TBRG1: variants seen among roughly 807,000 people sequenced by gnomAD.
TBRG1 encodes transforming growth factor beta regulator 1.
Under a neutral mutation model 44.0 loss-of-function variants are expected in TBRG1, and 31 were observed. The observed-to-expected ratio is 0.70, with a 90% confidence interval of 0.53 to 0.95. TBRG1 has a LOEUF of 0.95. TBRG1 is among the 40% of genes least tolerant of loss of function. The pLI is 0.00. For synonymous variants in TBRG1, 171 were observed against 188.1 expected (o/e 0.91, Z 0.74); for missense variants, 487 against 496.1 (o/e 0.98, Z 0.18).
intron 5 of TBRG1, among the ~76,000 whole-genome samples, chr11:124,628,202 CTTTT>C (rs1156931940): frequency 1.4e-5 from 2 of 145,078 alleles, no homozygotes. Context: ...TTTTATTCAT[CTTTT>C]TGTCTATACA....
At chr11:124,624,374 A>AAC (rs1555091616) in intron 1 of TBRG1, among the ~76,000 whole-genome samples, 1 of 147,902 alleles carries the variant, frequency 6.8e-6, no homozygotes, top group Non-Finnish European at 1.5e-5. Flanking sequence ...AAAAAAAAAA[A>AAC]AAAAAAAAAG....
In TBRG1 at chr11:124,626,559, CCTGTGTTCCCCATCGGA is replaced by C; in HGVS notation, c.544_560del (p.Val182ArgfsTer7). 1.3e-6 allele frequency: 2 copies of C among 1,551,492 alleles called. No individual in the cohort carries two copies. The highest frequency in any genetic ancestry group is 1.7e-4 in the Middle Eastern group (1 of 5,988). On this transcript the variant is annotated frameshift_variant, in exon 4 of 9. Coordinates refer to ENST00000441174, the MANE Select transcript of TBRG1 (RefSeq NM_032811.3). LOFTEE classifies it high-confidence loss of function. ...CATTGCCCTGGATCCCTCAGGACGG[CCTGTGTTCCCCATCGGA>C]CTAGGGGGTCTAACAGTATATAGCC... is the stretch of plus-strand genomic sequence containing the variant.
chr11:124,625,937 G>T, intron 3 of TBRG1, 34 bp downstream of exon 3: 1 of 1,520,676 alleles, frequency 6.6e-7, no homozygotes, highest in South Asian at 1.3e-5. Flanking sequence ...TTGCCCCAGT[G>T]ACTCACCTAC....
At chr11:124,627,274 T>A (rs1331557961) in intron 5 of TBRG1, among the ~76,000 whole-genome samples, 2 of 152,224 alleles carry the variant, frequency 1.3e-5, no homozygotes, top group Non-Finnish European at 2.9e-5. Flanking sequence ...TGCTCTTTTC[T>A]CTTGAACCAT....
chr11:124,627,053 A>G lies in TBRG1; in HGVS notation c.738+3A>G. On this transcript the variant is annotated splice_donor_region_variant and intron_variant, in intron 5 of 8. Transcript: ENST00000441174. ...AGGATGGTGGTGTGCAGCCTCAGGT[A>G]CCCCCTCTAATAATAACCACTGTTT... The G allele has an allele frequency of 6.5e-7, 1 of 1,529,838 alleles. No individual in the cohort carries two copies. The highest frequency in any genetic ancestry group is 8.9e-7 in the Non-Finnish European group (1 of 1,127,034). 94.8% of individuals were successfully genotyped at this position (1,529,838 alleles called of 1,614,324 possible). A position where few individuals can be genotyped will look rare whatever the true frequency, so the allele number is the denominator to read the frequency against.
At chr11:124,631,764 C>G (rs967767536) in intron 8 of TBRG1, 2 of 438,434 alleles carry the variant, frequency 4.6e-6, no homozygotes, top group African/African-American at 4.0e-5. Flanking sequence ...AAGTCAAGGC[C>G]TTGGCCCTGC....
chr11:124,631,320 G>A lies in TBRG1; in HGVS notation c.993G>A (p.Gln331=), dbSNP rs1173968128. Residue 331 remains glutamine, a synonymous_variant, in exon 8 of 9, where the codon CAG becomes CAA. Transcript: ENST00000441174. ...ATGTGTGCAAACCTGGAGATGGGCA[G>A]CTACCTGAGGGGCTGCCGGAGAATG... The part of the protein sequence containing the change: ...KFDVCKPGDG[Q]LPEGLPENDA... The A allele has an allele frequency of 2.5e-6, 4 of 1,611,822 alleles. No homozygotes were observed. Among genetic ancestry groups the A allele is most frequent in the Non-Finnish European group, 3.4e-6 (4 of 1,179,002 alleles).
Position 124,632,483 on chromosome 11 carries a change from T to G in TBRG1, c.*245T>G. ...TAATCGGGATGTAATCTTTTTTGCT[T>G]AGCTCTGCCTGAGGTAAAGTAAACT... On this transcript the variant is annotated 3_prime_UTR_variant, in exon 9 of 9. Transcript: ENST00000441174. The G allele has an allele frequency of 2.9e-6, 1 of 350,056 alleles. No homozygotes were observed. Among genetic ancestry groups the G allele is most frequent in the Non-Finnish European group, 5.3e-6 (1 of 189,862 alleles). 21.7% of individuals were successfully genotyped at this position (350,056 alleles called of 1,614,324 possible). A position where few individuals can be genotyped will look rare whatever the true frequency, so the allele number is the denominator to read the frequency against.
At chr11:124,632,025 A>T in intron 8 of TBRG1, 68 bp from the exon 9 acceptor site, 2 of 1,412,636 alleles carry the variant, frequency 1.4e-6, no homozygotes, top group Admixed American at 3.4e-5. Flanking sequence ...GGACATGTAT[A>T]TGTCTGACCA....
At chr11:124,629,897 C>A (rs1490974775) in intron 5 of TBRG1, 1 of 152,552 alleles carries the variant, frequency 6.6e-6, no homozygotes, top group African/African-American at 2.4e-5. Context: ...ATTTTCTTGG[C>A]AAAAATTCCT....
At chr11:124,632,004 A>G (rs1479284238) in intron 8 of TBRG1, 89 bp from the exon 9 acceptor site, 8 of 1,118,962 alleles carry the variant, frequency 7.1e-6, no homozygotes, top group Non-Finnish European at 9.3e-6. Context: ...GTGTTAAGGA[A>G]TTGATTGAAA....
chr11:124,630,882 G>C (rs775664261), intron 7 of TBRG1, 27 bp downstream of exon 7: 1 of 1,458,740 alleles, frequency 6.9e-7, no homozygotes, highest in South Asian at 1.2e-5. Flanking sequence ...TCATTCCCTT[G>C]AGAAAAGCTC....
chr11:124,629,212 G>A (rs545441221), intron 5 of TBRG1, among the ~76,000 whole-genome samples: 18 of 152,240 alleles, frequency 1.2e-4, no homozygotes, highest in Non-Finnish European at 1.6e-4. Context: ...GGTGGCGTGC[G>A]CCTGTAGTCC....
rs761800514 is a variant in TBRG1 at position 124,632,904 on chromosome 11, C to T, written c.*666C>T. On this transcript the variant is annotated 3_prime_UTR_variant, in exon 9 of 9. Transcript: ENST00000441174. Reference sequence around the variant, plus strand: ...GTCTGTAGTAGCAGCAGCTGACTAACGAGGGAGATAGGGAGATTCTGACAA... The same window carrying T: ...GTCTGTAGTAGCAGCAGCTGACTAATGAGGGAGATAGGGAGATTCTGACAA... 5.3e-5 allele frequency: 8 copies of T among 152,136 alleles called. No homozygotes were observed. The highest frequency in any genetic ancestry group is 7.2e-5 in the African/African-American group (3 of 41,404). The allele number at this position is 152,136 out of a possible 1,614,324, so 9.4% of individuals were successfully genotyped here.
chr11:124,630,298 G>A (rs752531071), intron 5 of TBRG1, 90 bp from the exon 6 acceptor site: 87 of 878,258 alleles, frequency 9.9e-5, no homozygotes, highest in African/African-American at 2.0e-4. Context: ...TCAGCTTCAC[G>A]TTCCAGAGTA....
Position 124,626,964 on chromosome 11 carries a change from A to T in TBRG1, c.652A>T (p.Ser218Cys). 6.3e-7 allele frequency: 1 copy of T among 1,599,070 alleles called. No homozygotes were observed. The highest frequency in any genetic ancestry group is 2.2e-5 in the East Asian group (1 of 44,536). Residue 218 changes from serine (S) to cysteine (C), a missense_variant, in exon 5 of 9, where the codon AGT (serine) becomes TGT (cysteine). Coordinates refer to ENST00000441174, the MANE Select transcript of TBRG1 (RefSeq NM_032811.3). ...TGCCATCTACCCCGTGGGCTATTGC[A>T]GTACTCGAATATATGCCAGCATGAA... ...ESAIYPVGYC[S>C]TRIYASMKCP...
chr11:124,625,829 G>A lies in TBRG1; in HGVS notation c.380G>A (p.Gly127Glu), dbSNP rs746226047. The change falls in exon 3 of 9, where the codon GGG becomes GAG. Residue 127 changes from glycine (G) to glutamate (E), a missense_variant. Gly to Glu is a moderately conservative substitution (Grantham distance 98). Transcript: ENST00000441174. ...GAGPISGPSTGAEEPFGKKTK... is the reference protein window; with the variant it reads ...GAGPISGPSTEAEEPFGKKTK... The stretch of plus-strand genomic sequence containing the variant: ...GGGCCTATTTCAGGGCCCAGCACTG[G>A]GGCTGAGGAACCATTTGGGAAGAAA... 1.3e-6 allele frequency: 2 copies of A among 1,580,790 alleles called. No individual in the cohort carries two copies. Among genetic ancestry groups the A allele is most frequent in the African/African-American group, 1.4e-5 (1 of 74,046 alleles).
At position 124,630,297 on chromosome 11, in the gene TBRG1, C is replaced by T. The variant is rs901827289; in HGVS notation, c.739-91C>T. 3.4e-6 allele frequency: 3 copies of T among 869,980 alleles called. No homozygotes were observed. The South Asian group carries it at 4.0e-5, about 12-fold the overall frequency. 53.9% of individuals were successfully genotyped at this position (869,980 alleles called of 1,614,324 possible). ...CTGAAGATGGTATACGTCAGCTTCA[C>T]GTTCCAGAGTAAAGAAATATTTACA... On this transcript the variant is annotated intron_variant, in intron 5 of 8. Coordinates refer to ENST00000441174, the MANE Select transcript of TBRG1 (RefSeq NM_032811.3).
chr11:124,626,726 C>T (rs1352228297), intron 4 of TBRG1, 117 bp downstream of exon 4: 14 of 1,418,178 alleles, frequency 9.9e-6, no homozygotes, highest in Admixed American at 5.9e-5. Context: ...CCAACCCCAG[C>T]GTATCTCCAG....
Sources: allele counts gnomAD v4.1 joint callset (sites outside exome capture counted in the v4.1 genomes callset), GRCh38; gene constraint gnomAD v4.1.1; transcripts MANE v1.5; gene names NCBI Gene and HGNC (gene_info 2026-07-23, HGNC 2026-07-21).